Variants in SPEN observed in about 807,000 individuals in gnomAD.
SPEN encodes msx2-interacting protein.
In SPEN, 18 loss-of-function variants were observed where a neutral mutation model predicts 269.9. That is an observed-to-expected ratio of 0.07 (90% CI 0.05 to 0.10). The LOEUF (loss-of-function observed/expected upper bound fraction) is 0.10, where lower values mean the gene tolerates loss of function less well. Among genes scored for constraint, SPEN ranks in the 10% least tolerant of loss-of-function variants. The pLI, the probability that SPEN is intolerant of heterozygous loss-of-function variation, is 1.00. For missense variants in SPEN, 3,822 were observed against 4,631.2 expected (o/e 0.83, Z 5.07); for synonymous variants, 1,726 against 1,765.7 (o/e 0.98, Z 0.56).
chr1:15,899,537 GTTTTTTTTTTTTTTT>G (rs34565365), intron 3 of SPEN, among the ~76,000 whole-genome samples: 1 of 83,432 alleles, frequency 1.2e-5, no homozygotes, highest in Non-Finnish European at 2.3e-5. Flanking sequence ...ATGTGGCAGA[GTTTTTTTTTTTTTTT>G]TTTTTTTTTT....
At chr1:15,884,502 G>T (rs995017445) in intron 3 of SPEN, among the ~76,000 whole-genome samples, 3 of 152,160 alleles carry the variant, frequency 2.0e-5, no homozygotes, top group African/African-American at 7.2e-5. Context: ...TGGTGGCATT[G>T]TATGTATCAA....
chr1:15,895,035 G>C (rs2070827511), intron 3 of SPEN, among the ~76,000 whole-genome samples: 1 of 152,056 alleles, frequency 6.6e-6, no homozygotes, highest in Non-Finnish European at 1.5e-5. Flanking sequence ...CAATTCTCCT[G>C]TCTCAGCCTC....
At chr1:15,894,648 C>T (rs899336491) in intron 3 of SPEN, among the ~76,000 whole-genome samples, 8 of 141,072 alleles carry the variant, frequency 5.7e-5, no homozygotes, top group Admixed American at 1.6e-4. Flanking sequence ...TCAAATGATT[C>T]TCGTGCCTCA....
At chr1:15,938,386 G>A (rs913208758) in intron 13 of SPEN, among the ~76,000 whole-genome samples, 1 of 152,138 alleles carries the variant, frequency 6.6e-6, no homozygotes. Flanking sequence ...AAAGTGCTGG[G>A]ATTACAGGCC....
Position 15,876,189 on chromosome 1 carries a change from C to T in SPEN, c.405-13C>T, listed in dbSNP as rs199727499. 12 of 1,593,976 alleles carry T rather than the reference C, an allele frequency of 7.5e-6. No homozygotes were observed. Among genetic ancestry groups the T allele is most frequent in the Middle Eastern group, 1.7e-4 (1 of 5,952 alleles). ...CCTTTCTGATTAAATATTTTTCCCCCTCCTAAATGCAGGGCTTCAGATAAC... is the reference window on the plus strand; with the variant it reads ...CCTTTCTGATTAAATATTTTTCCCCTTCCTAAATGCAGGGCTTCAGATAAC... On this transcript the variant is annotated splice_polypyrimidine_tract_variant and intron_variant, in intron 2 of 14. Coordinates refer to ENST00000375759, the MANE Select transcript of SPEN (RefSeq NM_015001.3).
chr1:15,901,928 G>GTTT (rs35730805), intron 3 of SPEN, among the ~76,000 whole-genome samples: 8 of 100,260 alleles, frequency 8.0e-5, no homozygotes, highest in East Asian at 2.5e-4. Flanking sequence ...TATTTATTTA[G>GTTT]TTTTTTTTTT....
At position 15,937,156 on chromosome 1, in the gene SPEN, A is replaced by T; in HGVS notation, c.10027-7A>T. ...CTCTGTCCCTTTGCCTTCCTTCCCT[A>T]CACCAGGGCCCTCCTCCTGAAGGTG... On this transcript the variant is annotated splice_polypyrimidine_tract_variant and splice_region_variant and intron_variant, in intron 11 of 14. Transcript: ENST00000375759. This position sits in a 1 kb window ranked among gnomAD's most constrained non-coding sequence, Gnocchi z 5.7. The T allele has an allele frequency of 6.2e-7, 1 of 1,606,884 alleles. No homozygotes were observed. The highest frequency in any genetic ancestry group is 1.3e-5 in the African/African-American group (1 of 74,692).
At chr1:15,905,298 T>A (rs2070944994) in intron 3 of SPEN, among the ~76,000 whole-genome samples, 1 of 152,052 alleles carries the variant, frequency 6.6e-6, no homozygotes, top group Admixed American at 6.6e-5. Context: ...CTCGGCTCAC[T>A]GCAACCTCCG....
chr1:15,931,959 G>A lies in SPEN; in HGVS notation c.5719G>A (p.Val1907Ile), dbSNP rs752378818. 9.9e-6 allele frequency: 16 copies of A among 1,614,208 alleles called. No homozygotes were observed. The highest frequency in any genetic ancestry group is 1.3e-5 in the African/African-American group (1 of 75,040). ...SRTRRRNVRS[V>I]YATMGDHENR... ...AACAAGGCGCCGGAATGTAAGGAGC[G>A]TCTATGCAACCATGGGTGACCATGA... is the stretch of plus-strand genomic sequence containing the variant. Residue 1907 changes from valine to isoleucine, a missense_variant, in exon 11 of 15, where the codon GTC becomes ATC. Val to Ile is a conservative substitution (Grantham distance 29). Around this residue, in one of 16 missense-constraint regions of SPEN, gnomAD observed 533 missense variants for 618.8 expected, o/e 0.86. Transcript: ENST00000375759. The surrounding 1 kb of genome is among the most constrained non-coding windows in gnomAD (Gnocchi z 4.8).
intron 2 of SPEN, 116 bp downstream of exon 2, chr1:15,873,252 A>C (rs1207593159): frequency 7.1e-7 from 1 of 1,413,824 alleles, no homozygotes; most frequent in Admixed American, 2.9e-5. Context: ...AATGTTTCCT[A>C]TTTTGGGTTG....
rs953954789 is a variant in SPEN at position 15,873,123 on chromosome 1, C to T, written c.391C>T (p.Arg131Trp). The T allele has an allele frequency of 6.8e-6, 11 of 1,609,164 alleles. No individual in the cohort carries two copies. The highest frequency in any genetic ancestry group is 2.2e-5 in the South Asian group (2 of 90,784). ...SLHAREGRYE[R>W]RLDGASDNRE... ...TCATGCACGAGAAGGACGTTATGAG[C>T]GGAGACTTGATGGGTAAGTTCCAAG... Residue 131 changes from arginine (R) to tryptophan (W), a missense_variant, in exon 2 of 15, where the codon CGG becomes TGG. This residue lies in a region of SPEN where 327 missense variants were observed against 350.8 expected (regional missense o/e 0.93). Transcript: ENST00000375759.
chr1:15,893,807 G>T (rs546561153), intron 3 of SPEN, among the ~76,000 whole-genome samples: 5 of 152,262 alleles, frequency 3.3e-5, no homozygotes, highest in African/African-American at 7.2e-5. Flanking sequence ...GGAGGCTAAG[G>T]CTTGAGGATC....
chr1:15,927,802 A>G (rs566139239), intron 10 of SPEN, among the ~76,000 whole-genome samples: 11 of 152,366 alleles, frequency 7.2e-5, no homozygotes, highest in African/African-American at 1.9e-4. Context: ...TTTCTTTAAT[A>G]TATCTAAAAC....
chr1:15,897,759 A>G (rs1003924370), intron 3 of SPEN, among the ~76,000 whole-genome samples: 2 of 152,304 alleles, frequency 1.3e-5, no homozygotes, highest in South Asian at 2.1e-4. Context: ...TCGGCCTCCC[A>G]AAGTGCTGGG....
Position 15,883,193 on chromosome 1 carries a change from T to C in SPEN, c.881+6515T>C, listed in dbSNP as rs534504541. ...TTGCATTGTCATAAGCTAGAAGATA[T>C]AAGGGAGAAGCTTGGGAACAGGAAT... is the stretch of plus-strand genomic sequence containing the variant. On this transcript the variant is annotated intron_variant, in intron 3 of 14. Transcript: ENST00000375759. Among the ~76,000 whole-genome samples the C allele has an allele frequency of 2.6e-5, 4 of 152,264 alleles. No homozygotes were observed. In the South Asian group the frequency reaches 6.2e-4, roughly 24 times the overall value.
chr1:15,918,056 C>G (rs909767730), intron 6 of SPEN: 5 of 152,196 alleles, frequency 3.3e-5, no homozygotes, highest in African/African-American at 1.2e-4. Context: ...ACTCTAATTG[C>G]AGTTCTACTG....
chr1:15,868,992 G>A (rs1393770046), intron 1 of SPEN, among the ~76,000 whole-genome samples: 1 of 152,144 alleles, frequency 6.6e-6, no homozygotes, highest in Non-Finnish European at 1.5e-5. Context: ...ATTGTGAATG[G>A]AGTAGTCTTA....
chr1:15,888,707 A>G (rs942898226), intron 3 of SPEN, among the ~76,000 whole-genome samples: 3 of 151,316 alleles, frequency 2.0e-5, no homozygotes, highest in African/African-American at 7.3e-5. Flanking sequence ...ATCTCGGCTC[A>G]CCGCGACCTC....
chr1:15,916,226 A>C lies in SPEN; in HGVS notation c.1342A>C (p.Thr448Pro). The C allele has an allele frequency of 6.2e-7, 1 of 1,613,980 alleles. No homozygotes were observed. Among genetic ancestry groups the C allele is most frequent in the Non-Finnish European group, 8.5e-7 (1 of 1,179,976 alleles). The change falls in exon 6 of 15, where the codon ACC becomes CCC. Residue 448 changes from threonine (T) to proline (P), a missense_variant. Coordinates refer to ENST00000375759, the MANE Select transcript of SPEN (RefSeq NM_015001.3). ...RTLFIGNLEK[T>P]TTYHDLRNIF... The stretch of plus-strand genomic sequence containing the variant: ...TCTCTTTATTGGCAACCTTGAAAAA[A>C]CCACTACTTACCATGACCTTCGCAA...
Sources: gnomAD v4.1 joint callset for allele counts (sites outside exome capture counted in the v4.1 genomes callset) on GRCh38, gnomAD v4.1.1 for gene constraint, gnomAD v4.1.1 regional missense constraint, Gnocchi (gnomAD v3.1) non-coding constraint, MANE v1.5 for transcripts, NCBI Gene and HGNC (gene_info 2026-07-23, HGNC 2026-07-21) for gene names.